The following SLC26A8 variants were observed in gnomAD, a reference collection of about 807,000 sequenced individuals.
SLC26A8 encodes the protein solute carrier family 26 member 8.
A neutral mutation model predicts 105.0 loss-of-function variants in SLC26A8; 70 were observed. That is an observed-to-expected ratio of 0.67 (90% CI 0.55 to 0.81). SLC26A8 has a LOEUF of 0.81. Ranked by LOEUF, SLC26A8 falls within the 40% of genes least tolerant of loss-of-function variation. SLC26A8 has a pLI of 0.00. For missense variants in SLC26A8, 998 were observed against 1,181.8 expected (o/e 0.84, Z 2.28); for synonymous variants, 415 against 438.3 (o/e 0.95, Z 0.66).
chr6:36,012,258 A>G lies in SLC26A8; in HGVS notation c.303T>C (p.Ser101=), dbSNP rs1042621577. The G allele has an allele frequency of 6.2e-7, 1 of 1,612,292 alleles. No individual in the cohort carries two copies. The change falls in exon 3 of 20, where the codon AGT becomes AGC. Residue 101 remains serine (S), a synonymous_variant. Coordinates refer to ENST00000490799, the MANE Select transcript of SLC26A8 (RefSeq NM_052961.4). ...CTTGGGGAACTTGCACAAGGCCAAC[A>G]CTTATACCAGCAAGTAAGTCTCCCA... ...WLLGDLLAGI[S]VGLVQVPQGL... is the part of the protein sequence containing the mutation.
intron 3 of SLC26A8, among the ~76,000 whole-genome samples, chr6:36,007,951 T>C (rs990603926): frequency 2.6e-5 from 4 of 151,106 alleles, no homozygotes; most frequent in Admixed American, 1.3e-4. Flanking sequence ...AAACCACGTG[T>C]CTACTAAAAA....
chr6:36,021,872 T>G (rs1375189281), intron 1 of SLC26A8, among the ~76,000 whole-genome samples: 1 of 151,796 alleles, frequency 6.6e-6, no homozygotes, highest in Non-Finnish European at 1.5e-5. Context: ...GGTTTCACGG[T>G]GTTAGCCAGG....
intron 10 of SLC26A8, chr6:35,969,691 C>T (rs542088315): frequency 6.6e-6 from 1 of 151,826 alleles, no homozygotes; most frequent in East Asian, 1.9e-4. Flanking sequence ...CCTCACTCTC[C>T]TGTTTGCTGC....
chr6:35,967,572 T>C (rs1280308214), intron 11 of SLC26A8, among the ~76,000 whole-genome samples: 1 of 152,196 alleles, frequency 6.6e-6, no homozygotes, highest in Non-Finnish European at 1.5e-5. Flanking sequence ...GGCTGAATAC[T>C]GAGTTAAGAC....
In SLC26A8 at chr6:36,019,704, C is replaced by T; in HGVS notation, c.4G>A (p.Ala2Thr). The T allele has an allele frequency of 6.2e-7, 1 of 1,610,436 alleles. No homozygotes were observed. The highest frequency in any genetic ancestry group is 8.5e-7 in the Non-Finnish European group (1 of 1,177,892). The change falls in exon 2 of 20, where the codon GCA (alanine) becomes ACA (threonine). Residue 2 changes from alanine to threonine, a missense_variant. Ala to Thr is a moderately conservative substitution (Grantham distance 58). Transcript: ENST00000490799. M[A>T]QLERSAISGF... The stretch of plus-strand genomic sequence containing the variant: ...GAGATGGCGCTCCTCTCTAGTTGTG[C>T]CATTCCTGGATGAGTGGAAAGAGAG...
intron 7 of SLC26A8, among the ~76,000 whole-genome samples, chr6:35,984,705 C>T (rs530613461): frequency 1.3e-5 from 2 of 152,252 alleles, no homozygotes; most frequent in East Asian, 3.9e-4. Flanking sequence ...ACTCTCACTT[C>T]TCTCCTTTCC....
rs140836072 is a variant in SLC26A8, at chr6:35,963,608, G to A, written c.1366-987C>T. ...ACAGGTGCCAGGGCTCTGACATCTC[G>A]CCAGGCATAGCTAAAGGTTATACTC... is the stretch of plus-strand genomic sequence containing the variant. On this transcript the variant is annotated intron_variant, in intron 11 of 19. Coordinates refer to ENST00000490799, the MANE Select transcript of SLC26A8 (RefSeq NM_052961.4). Among the ~76,000 whole-genome samples, 36 of 152,228 alleles carry A rather than the reference G, an allele frequency of 2.4e-4. No homozygotes were observed. In the Middle Eastern group the frequency reaches 0.014, roughly 58 times the overall value.
chr6:35,991,930 CT>C, intron 6 of SLC26A8, 122 bp from the exon 7 acceptor site: 1 of 969,280 alleles, frequency 1.0e-6, no homozygotes, highest in Admixed American at 3.4e-5. Context: ...GTACAAAGGT[CT>C]TTATGGGTAT....
At chr6:36,017,816 C>G (rs1409516464) in intron 2 of SLC26A8, among the ~76,000 whole-genome samples, 1 of 152,048 alleles carries the variant, frequency 6.6e-6, no homozygotes, top group Non-Finnish European at 1.5e-5. Flanking sequence ...TCCTATAACT[C>G]AACAACAAAA....
intron 19 of SLC26A8, among the ~76,000 whole-genome samples, chr6:35,949,938 T>G (rs190702941): frequency 0.021 from 3,136 of 152,050 alleles, 42 homozygotes; most frequent in Middle Eastern, 0.048. Flanking sequence ...CCCAAGTAGC[T>G]GGGACTACAG....
intron 16 of SLC26A8, among the ~76,000 whole-genome samples, chr6:35,957,869 G>A (rs13208001): frequency 1.3e-5 from 2 of 152,042 alleles, no homozygotes; most frequent in South Asian, 4.1e-4. Context: ...GCCTCCCAAA[G>A]TTTTGGGATT....
chr6:35,952,292 A>AG, intron 17 of SLC26A8, among the ~76,000 whole-genome samples: 1 of 152,332 alleles, frequency 6.6e-6, no homozygotes, highest in East Asian at 1.9e-4. Context: ...GTGATGCAGT[A>AG]GGGAACGGAA....
intron 19 of SLC26A8, among the ~76,000 whole-genome samples, chr6:35,946,436 C>T (rs1225316742): frequency 6.6e-6 from 1 of 152,098 alleles, no homozygotes; most frequent in African/African-American, 2.4e-5. Context: ...TAGGATTCAC[C>T]ATGTTGGCCA....
At chr6:36,019,962 A>G (rs1293474603) in intron 1 of SLC26A8, among the ~76,000 whole-genome samples, 2 of 152,216 alleles carry the variant, frequency 1.3e-5, no homozygotes. Flanking sequence ...ACTAGAACCC[A>G]GGTGTCCTGC....
At chr6:35,944,391 C>T (rs1771593391) in intron 19 of SLC26A8, 51 bp from the exon 20 acceptor site, 2 of 1,343,310 alleles carry the variant, frequency 1.5e-6, no homozygotes, top group South Asian at 1.3e-5. Context: ...TAACCTTCTG[C>T]TGAACGCAGT....
At chr6:35,948,807 T>C (rs1257521906) in intron 19 of SLC26A8, among the ~76,000 whole-genome samples, 1 of 152,190 alleles carries the variant, frequency 6.6e-6, no homozygotes, top group African/African-American at 2.4e-5. Context: ...TGTGGTGGTA[T>C]TAAGAGGTGA....
intron 16 of SLC26A8, among the ~76,000 whole-genome samples, chr6:35,957,608 T>C (rs1581630445): frequency 3.5e-5 from 2 of 56,552 alleles, no homozygotes; most frequent in Admixed American, 1.4e-4. Context: ...AGAGCCACCT[T>C]TTTTTTTTTT....
At chr6:35,962,835 G>A (rs955490053) in intron 11 of SLC26A8, among the ~76,000 whole-genome samples, 1 of 152,006 alleles carries the variant, frequency 6.6e-6, no homozygotes, top group Non-Finnish European at 1.5e-5. Context: ...GCAGGGTCTC[G>A]CTCTTGCCCA....
chr6:35,999,043 C>G (rs1003918570), intron 4 of SLC26A8, among the ~76,000 whole-genome samples: 1 of 151,990 alleles, frequency 6.6e-6, no homozygotes, highest in Non-Finnish European at 1.5e-5. Context: ...TACAGACACC[C>G]GCCACCACGC....
Sources: gnomAD v4.1 joint callset for allele counts (sites outside exome capture counted in the v4.1 genomes callset) on GRCh38, gnomAD v4.1.1 for gene constraint, MANE v1.5 for transcripts, NCBI Gene and HGNC (gene_info 2026-07-23, HGNC 2026-07-21) for gene names.